STK3: variants seen among roughly 807,000 people sequenced by gnomAD.
STK3 encodes serine/threonine kinase 3.
In STK3, 41 loss-of-function variants were observed where a neutral mutation model predicts 58.0. That is an observed-to-expected ratio of 0.71 (90% CI 0.55 to 0.92). The LOEUF (loss-of-function observed/expected upper bound fraction) is 0.92. Among genes scored for constraint, STK3 ranks in the 40% least tolerant of loss-of-function variants. The probability of loss-of-function intolerance (pLI) is 0.00; values close to 1 mark genes in which losing one functional copy is unlikely to be tolerated. For synonymous variants in STK3, 170 were observed against 191.0 expected (o/e 0.89, Z 0.91); for missense variants, 479 against 602.7 (o/e 0.79, Z 2.15).
Position 98,803,787 on chromosome 8 carries a change from A to G in STK3, c.26+21728T>C, listed in dbSNP as rs190731144. Reference sequence around the variant, plus strand: ...AAAATCAGTTTTAAAAAATTAGTCCATTATATTCATTCAATACACACTTAC... The same window carrying G: ...AAAATCAGTTTTAAAAAATTAGTCCGTTATATTCATTCAATACACACTTAC... On this transcript the variant is annotated intron_variant, in intron 1 of 10. Coordinates refer to ENST00000419617, the MANE Select transcript of STK3 (RefSeq NM_006281.4). Among the ~76,000 whole-genome samples the G allele has an allele frequency of 6.7e-3, 1,024 of 152,220 alleles. 8 individuals carry two copies. Among genetic ancestry groups the G allele is most frequent in the African/African-American group, 0.023 (960 of 41,534 alleles).
At position 98,547,963 on chromosome 8, in the gene STK3, A is replaced by G. The variant is rs1810849535; in HGVS notation, c.1141+6T>C. Reference sequence around the variant, plus strand: ...AACTAATATTTAATGTAAAAAAGCCACATACTTTTCATAGTTCCATCTTCT... The same window carrying G: ...AACTAATATTTAATGTAAAAAAGCCGCATACTTTTCATAGTTCCATCTTCT... On this transcript the variant is annotated splice_donor_region_variant and intron_variant, in intron 9 of 10. Coordinates refer to ENST00000419617, the MANE Select transcript of STK3 (RefSeq NM_006281.4). 1.9e-6 allele frequency: 3 copies of G among 1,566,726 alleles called. No homozygotes were observed. In the African/African-American group the frequency reaches 4.1e-5, roughly 22 times the overall value.
At chr8:98,419,351 A>T (rs1818146961) in intron 3 of STK3, among the ~76,000 whole-genome samples, 1 of 150,838 alleles carries the variant, frequency 6.6e-6, no homozygotes, top group Admixed American at 6.6e-5. Context: ...ACAGAGCGAG[A>T]CTCCATCTCA....
At chr8:98,791,642 A>G (rs1298731307) in intron 1 of STK3, among the ~76,000 whole-genome samples, 2 of 152,242 alleles carry the variant, frequency 1.3e-5, no homozygotes, top group Non-Finnish European at 2.9e-5. Context: ...AATGGAACAG[A>G]AAGAACCCAG....
At chr8:98,690,560 T>C (rs1271142757) in intron 6 of STK3, among the ~76,000 whole-genome samples, 6 of 150,976 alleles carry the variant, frequency 4.0e-5, no homozygotes, top group Admixed American at 4.0e-4. Flanking sequence ...CACAAACAAA[T>C]AGAAGAGCAT....
intron 10 of STK3, among the ~76,000 whole-genome samples, chr8:98,488,098 T>C (rs1038192605): frequency 2.0e-5 from 3 of 152,202 alleles, no homozygotes; most frequent in Non-Finnish European, 4.4e-5. Flanking sequence ...TGGCAGCACC[T>C]GTCTTTCTCT....
Position 98,379,517 on chromosome 8 carries a change from C to G in STK3, n.57-310G>C, listed in dbSNP as rs564107728. On this transcript the variant is annotated intron_variant and non_coding_transcript_variant, in intron 1 of 2. Coordinates refer to the STK3 transcript ENST00000518704. Reference sequence around the variant, plus strand: ...ATTGCTCCCACACTGTGCTGACCATCTTGGTTTGCAATGACCTGTGGTGCA... The same window carrying G: ...ATTGCTCCCACACTGTGCTGACCATGTTGGTTTGCAATGACCTGTGGTGCA... 5.3e-5 allele frequency among the ~76,000 whole-genome samples: 8 copies of G among 152,334 alleles called. No individual in the cohort carries two copies. In the East Asian group the frequency reaches 1.5e-3, roughly 29 times the overall value.
At chr8:98,427,191 C>T (rs1369352755) in intron 3 of STK3, 1 of 149,552 alleles carries the variant, frequency 6.7e-6, no homozygotes, top group African/African-American at 2.5e-5. Context: ...GCTCGGCGGC[C>T]CCCGCCCGCC....
intron 1 of STK3, among the ~76,000 whole-genome samples, chr8:98,777,249 T>C (rs1225708803): frequency 6.6e-6 from 1 of 151,342 alleles, no homozygotes; most frequent in Non-Finnish European, 1.5e-5. Context: ...AGAAATGGGC[T>C]GGGCACGGTG....
Position 98,507,940 on chromosome 8 carries a change from C to T in STK3, c.1317+18802G>A, listed in dbSNP as rs142667709. ...TATTGCAAGCCCTTTACCCCAACAC[C>T]GGCCTCATTACCTTACGTGGTTCTT... On this transcript the variant is annotated intron_variant, in intron 10 of 10. Coordinates refer to ENST00000419617, the MANE Select transcript of STK3 (RefSeq NM_006281.4). Among the ~76,000 whole-genome samples the T allele has an allele frequency of 4.1e-3, 629 of 152,268 alleles. 3 individuals are homozygous for T. Among genetic ancestry groups the T allele is most frequent in the African/African-American group, 0.014 (599 of 41,562 alleles).
chr8:98,354,601 T>C, the STK3 span, among the ~76,000 whole-genome samples: 25 of 152,294 alleles, frequency 1.6e-4, no homozygotes, highest in African/African-American at 6.0e-4. Flanking sequence ...GGTTTTCTGT[T>C]ATATACAATT....
intron 10 of STK3, among the ~76,000 whole-genome samples, chr8:98,511,295 T>C (rs1824496046): frequency 6.6e-6 from 1 of 151,982 alleles, no homozygotes; most frequent in Non-Finnish European, 1.5e-5. Flanking sequence ...ACTTTAAAAA[T>C]ATAACAATGT....
At chr8:98,506,841 T>C (rs1824123404) in intron 10 of STK3, among the ~76,000 whole-genome samples, 1 of 152,224 alleles carries the variant, frequency 6.6e-6, no homozygotes, top group Non-Finnish European at 1.5e-5. Flanking sequence ...GATAGCATGA[T>C]TTAGCCTCAT....
chr8:98,536,668 T>G (rs12542931), intron 9 of STK3, among the ~76,000 whole-genome samples: 1 of 152,010 alleles, frequency 6.6e-6, no homozygotes. Context: ...GAACTCACTC[T>G]GCCAGTGCCG....
chr8:98,473,394 T>C (rs958619155), intron 10 of STK3, among the ~76,000 whole-genome samples: 5 of 152,192 alleles, frequency 3.3e-5, no homozygotes, highest in Non-Finnish European at 7.4e-5. Context: ...ATATACTTTC[T>C]GATATTTCCC....
At chr8:98,841,528 GA>G (rs1042071639) in intron 3 of STK3, among the ~76,000 whole-genome samples, 2 of 149,452 alleles carry the variant, frequency 1.3e-5, no homozygotes, top group South Asian at 2.1e-4. Context: ...TCTAAAAAAA[GA>G]AAAAAAAAGT....
At chr8:98,920,104 G>T (rs1334468811) in intron 1 of STK3, among the ~76,000 whole-genome samples, 3 of 152,210 alleles carry the variant, frequency 2.0e-5, no homozygotes, top group Non-Finnish European at 2.9e-5. Context: ...CAACTAGAAG[G>T]TTACAACGTG....
chr8:98,674,776 G>A (rs56170801), intron 6 of STK3, among the ~76,000 whole-genome samples: 88 of 152,086 alleles, frequency 5.8e-4, no homozygotes, highest in African/African-American at 1.9e-3. Flanking sequence ...CGTATCTTCC[G>A]TTTCTTTGCC....
At chr8:98,588,834 T>G (rs1814940974) in intron 7 of STK3, among the ~76,000 whole-genome samples, 1 of 151,918 alleles carries the variant, frequency 6.6e-6, no homozygotes, top group African/African-American at 2.4e-5. Context: ...CCTTCTCGCT[T>G]CATTTCACTC....
intron 9 of STK3, among the ~76,000 whole-genome samples, chr8:98,533,856 A>G (rs1809538632): frequency 6.6e-6 from 1 of 152,182 alleles, no homozygotes. Flanking sequence ...CTAATGTAGA[A>G]TTCCAAATCC....
Sources: allele counts gnomAD v4.1 joint callset (sites outside exome capture counted in the v4.1 genomes callset), GRCh38; gene constraint gnomAD v4.1.1; transcripts MANE v1.5; gene names NCBI Gene and HGNC (gene_info 2026-07-23, HGNC 2026-07-21).